PLD5: variants seen among roughly 807,000 people sequenced by gnomAD.
PLD5 encodes inactive phospholipase D5.
PLD5 carries 36 observed loss-of-function variants against 61.1 expected under a neutral mutation model. That is an observed-to-expected ratio of 0.59 (90% CI 0.45 to 0.78). PLD5 has a LOEUF of 0.78. Ranked by LOEUF, PLD5 falls within the 30% of genes least tolerant of loss-of-function variation. The pLI is 0.00. For synonymous variants in PLD5, 243 were observed against 242.8 expected (o/e 1.00, Z -0.01); for missense variants, 515 against 644.4 (o/e 0.80, Z 2.17).
chr1:242,383,109 G>A (rs375584358), intron 1 of PLD5, among the ~76,000 whole-genome samples: 10 of 152,218 alleles, frequency 6.6e-5, no homozygotes, highest in East Asian at 1.9e-4. Flanking sequence ...TGCTGGAATG[G>A]AATCAGCGAT....
chr1:242,413,006 G>C (rs1664636882), intron 1 of PLD5, among the ~76,000 whole-genome samples: 1 of 152,144 alleles, frequency 6.6e-6, no homozygotes, highest in South Asian at 2.1e-4. Flanking sequence ...TGGCCATTCT[G>C]GTGGGTGTGT....
At position 242,089,627 on chromosome 1, in the gene PLD5, C is replaced by T. The variant is rs556065394; in HGVS notation, c.*227G>A. 26 of 588,796 alleles carry T rather than the reference C, an allele frequency of 4.4e-5. No individual in the cohort carries two copies. The highest frequency in any genetic ancestry group is 2.0e-4 in the East Asian group (7 of 35,180). The allele number at this position is 588,796 out of a possible 1,614,324, so 36.5% of individuals were successfully genotyped here. ...ATGCAAACGTAAAAACTAACTTCTA[C>T]GCCAGAATGACATTCTCTGTCAGAG... On this transcript the variant is annotated 3_prime_UTR_variant, in exon 10 of 10. Coordinates refer to ENST00000536534, the MANE Select transcript of PLD5 (RefSeq NM_001372062.1).
At chr1:242,255,200 C>T (rs1367672400) in intron 4 of PLD5, among the ~76,000 whole-genome samples, 2 of 151,936 alleles carry the variant, frequency 1.3e-5, no homozygotes, top group Non-Finnish European at 1.5e-5. Context: ...AATGTTCAGC[C>T]TCCTTAACGA....
chr1:242,157,167 T>C (rs1379442193), intron 5 of PLD5, among the ~76,000 whole-genome samples: 8 of 152,286 alleles, frequency 5.3e-5, no homozygotes, highest in East Asian at 1.9e-4. Flanking sequence ...CTGTGTATGC[T>C]TCACAAAGTT....
chr1:242,298,080 CTTTAT>C (rs1182718422), intron 2 of PLD5, among the ~76,000 whole-genome samples: 6 of 151,988 alleles, frequency 3.9e-5, no homozygotes, highest in Non-Finnish European at 8.8e-5. Context: ...ATTTTTAATA[CTTTAT>C]TTTTTGTCAC....
At chr1:242,324,305 G>C (rs946794800) in intron 2 of PLD5, among the ~76,000 whole-genome samples, 1 of 152,162 alleles carries the variant, frequency 6.6e-6, no homozygotes, top group African/African-American at 2.4e-5. Flanking sequence ...ATGAACAAAG[G>C]CAGTACAGAA....
rs547408635 is a variant in PLD5 at position 242,221,926 on chromosome 1, C to CT, written c.608-1812dup. On this transcript the variant is annotated intron_variant, in intron 4 of 9. Coordinates refer to ENST00000536534, the MANE Select transcript of PLD5 (RefSeq NM_001372062.1). Reference sequence around the variant, plus strand: ...TAACAAAGTACCCTAATCTGGATGACTTAAAACAGCAGAAACTTATCCTCC... The same window carrying CT: ...TAACAAAGTACCCTAATCTGGATGACTTTAAAACAGCAGAAACTTATCCTCC... Among the ~76,000 whole-genome samples the CT allele has an allele frequency of 4.9e-4, 75 of 152,250 alleles. No homozygotes were observed. In the South Asian group the frequency reaches 0.015, roughly 30 times the overall value.
chr1:242,126,591 G>A (rs1662803276), intron 5 of PLD5, among the ~76,000 whole-genome samples: 1 of 152,196 alleles, frequency 6.6e-6, no homozygotes, highest in Non-Finnish European at 1.5e-5. Context: ...ATGGTGCTGG[G>A]ATAATTGGCA....
intron 1 of PLD5, among the ~76,000 whole-genome samples, chr1:242,372,916 C>T (rs376640606): frequency 0.011 from 1,708 of 152,120 alleles, 17 homozygotes; most frequent in Admixed American, 0.018. Context: ...CCAAAAGCAA[C>T]GGCAACAAAA....
At chr1:242,215,482 A>G (rs946624803) in intron 5 of PLD5, among the ~76,000 whole-genome samples, 3 of 152,316 alleles carry the variant, frequency 2.0e-5, no homozygotes, top group Middle Eastern at 3.4e-3. Flanking sequence ...ACACATTTCG[A>G]TCAGCTGTAG....
At chr1:242,242,264 T>A (rs429360) in intron 4 of PLD5, among the ~76,000 whole-genome samples, 5 of 151,998 alleles carry the variant, frequency 3.3e-5, no homozygotes, top group Non-Finnish European at 5.9e-5. Context: ...CATTTCATCA[T>A]GATATACACC....
At chr1:242,240,569 A>G (rs1671936289) in intron 4 of PLD5, among the ~76,000 whole-genome samples, 1 of 152,178 alleles carries the variant, frequency 6.6e-6, no homozygotes, top group African/African-American at 2.4e-5. Flanking sequence ...CTTTGAAGAT[A>G]CATGGTTCTG....
chr1:242,175,450 CAAAAT>C (rs944171154), intron 5 of PLD5, among the ~76,000 whole-genome samples: 18 of 152,236 alleles, frequency 1.2e-4, no homozygotes, highest in African/African-American at 4.3e-4. Flanking sequence ...GAATGTATCT[CAAAAT>C]AATAAGAGCT....
chr1:242,169,417 C>T (rs1666575224), intron 5 of PLD5, among the ~76,000 whole-genome samples: 2 of 152,142 alleles, frequency 1.3e-5, no homozygotes, highest in African/African-American at 4.8e-5. Context: ...CCTGACACTG[C>T]ACTTTTCCCA....
chr1:242,141,875 C>A (rs1009919638), intron 5 of PLD5, among the ~76,000 whole-genome samples: 2 of 152,250 alleles, frequency 1.3e-5, no homozygotes, highest in Non-Finnish European at 2.9e-5. Flanking sequence ...CTGCCTCTGA[C>A]ATTTTGTGAG....
At chr1:242,293,423 C>T (rs191608917) in intron 2 of PLD5, among the ~76,000 whole-genome samples, 13 of 152,270 alleles carry the variant, frequency 8.5e-5, no homozygotes, top group East Asian at 1.9e-4. Context: ...CGAGAGACCA[C>T]GTTCACATAA....
rs953499170 is a variant in PLD5 at position 242,470,211 on chromosome 1, G to T, written c.189+53877C>A. ...AAAAAAAATTAGCCGGGCGTGGTGC[G>T]GGCGCCTGTACTCCCAGCTACTCGG... is the stretch of plus-strand genomic sequence containing the variant. On this transcript the variant is annotated intron_variant, in intron 1 of 9. Coordinates refer to ENST00000536534, the MANE Select transcript of PLD5 (RefSeq NM_001372062.1). 1.7e-4 allele frequency among the ~76,000 whole-genome samples: 26 copies of T among 152,092 alleles called. 1 individual carries two copies. The South Asian group carries it at 5.0e-3, about 29-fold the overall frequency.
chr1:242,394,851 A>AAT (rs1413976330), intron 1 of PLD5, among the ~76,000 whole-genome samples: 1 of 131,406 alleles, frequency 7.6e-6, no homozygotes, highest in Non-Finnish European at 1.5e-5. Context: ...TACATATGTG[A>AAT]ATATATATGT....
chr1:242,379,279 C>T (rs1178766916), intron 1 of PLD5, among the ~76,000 whole-genome samples: 1 of 152,122 alleles, frequency 6.6e-6, no homozygotes, highest in East Asian at 1.9e-4. Context: ...TACTGAGCTA[C>T]CCTTCAGATG....
Sources: gnomAD v4.1 joint callset for allele counts (sites outside exome capture counted in the v4.1 genomes callset) on GRCh38, gnomAD v4.1.1 for gene constraint, MANE v1.5 for transcripts, NCBI Gene and HGNC (gene_info 2026-07-23, HGNC 2026-07-21) for gene names.